PANX1: variants seen among roughly 807,000 people sequenced by gnomAD.
The protein encoded by PANX1 is pannexin-1.
In PANX1, 30 loss-of-function variants were observed where a neutral mutation model predicts 38.7. The ratio of observed to expected loss-of-function variants is 0.78; its 90% confidence interval spans 0.58 to 1.05. PANX1 has a LOEUF of 1.05. Ranked by LOEUF, PANX1 falls within the 50% of genes least tolerant of loss-of-function variation. PANX1 has a pLI of 0.00. For missense variants in PANX1, 551 were observed against 517.2 expected, an observed-to-expected ratio of 1.07 and a Z score of -0.63; for synonymous variants, 230 against 212.2, an observed-to-expected ratio of 1.08 and a Z score of -0.73.
At chr11:94,155,115 C>T (rs1313740172) in intron 2 of PANX1, among the ~76,000 whole-genome samples, 1 of 151,108 alleles carries the variant, frequency 6.6e-6, no homozygotes, top group East Asian at 1.9e-4. Flanking sequence ...CTTTGGGAGG[C>T]CGAGGCAAGC....
chr11:94,141,429 G>A (rs1461286576), intron 1 of PANX1, among the ~76,000 whole-genome samples: 1 of 152,066 alleles, frequency 6.6e-6, no homozygotes, highest in Non-Finnish European at 1.5e-5. Flanking sequence ...GACACTTGGC[G>A]GTGTCTGGTG....
intron 1 of PANX1, among the ~76,000 whole-genome samples, chr11:94,140,621 A>G (rs1267508248): frequency 1.3e-5 from 2 of 152,098 alleles, no homozygotes; most frequent in Non-Finnish European, 2.9e-5. Flanking sequence ...CCTACTACAA[A>G]CAGTGGTTTA....
chr11:94,141,601 G>T (rs1015835368), intron 1 of PANX1, among the ~76,000 whole-genome samples: 1 of 151,890 alleles, frequency 6.6e-6, no homozygotes, highest in Non-Finnish European at 1.5e-5. Flanking sequence ...AAGCTAAAAT[G>T]TTTTTTTCAA....
chr11:94,139,104 A>C (rs1946732725), intron 1 of PANX1, among the ~76,000 whole-genome samples: 1 of 152,212 alleles, frequency 6.6e-6, no homozygotes, highest in African/African-American at 2.4e-5. Flanking sequence ...CAACTCAAGT[A>C]AGTGAGCCTA....
chr11:94,179,593 A>AT lies in PANX1; in HGVS notation c.546-3dup. 1 of 1,607,484 alleles carries AT rather than the reference A, an allele frequency of 6.2e-7. No individual in the cohort carries two copies. The highest frequency in any genetic ancestry group is 8.5e-7 in the Non-Finnish European group (1 of 1,175,088). On this transcript the variant is annotated splice_polypyrimidine_tract_variant and intron_variant, in intron 3 of 4. Transcript: ENST00000227638. ...TGCCTAAGTTATTTTTGTTTCCTTT[A>AT]TTTTTTAGTTTGTGGGAGGTATCTG...
At chr11:94,129,699 A>G (rs1031392301) in intron 1 of PANX1, among the ~76,000 whole-genome samples, 7 of 151,472 alleles carry the variant, frequency 4.6e-5, no homozygotes, top group African/African-American at 1.5e-4. Flanking sequence ...TCGCATCCCT[A>G]CTCCTCAGTT....
intron 2 of PANX1, among the ~76,000 whole-genome samples, chr11:94,157,844 A>G (rs1946973891): frequency 6.6e-6 from 1 of 152,128 alleles, no homozygotes; most frequent in Non-Finnish European, 1.5e-5. Context: ...GGTATTGCCT[A>G]GGTTTTCTTC....
intron 2 of PANX1, among the ~76,000 whole-genome samples, chr11:94,161,389 C>T (rs1947031999): frequency 6.6e-6 from 1 of 152,216 alleles, no homozygotes; most frequent in East Asian, 1.9e-4. Context: ...GGTCTTCTCA[C>T]ATAGTCCCAT....
chr11:94,129,450 C>G lies in PANX1; in HGVS notation c.138C>G (p.Pro46=), dbSNP rs1221127734. 8 of 1,613,372 alleles carry G rather than the reference C, an allele frequency of 5.0e-6. No individual in the cohort carries two copies. Among genetic ancestry groups the G allele is most frequent in the African/African-American group, 1.3e-5 (1 of 74,882 alleles). Residue 46 remains proline (P), a synonymous_variant, in exon 1 of 5, where the codon CCC becomes CCG. Transcript: ENST00000227638. ...TCACGTGCATTGCGGTGGGGCTGCC[C>G]CTGCTGCTCATCTCGCTGGCCTTCG... ...KMVTCIAVGL[P]LLLISLAFAQ...
intron 2 of PANX1, among the ~76,000 whole-genome samples, chr11:94,164,181 T>C (rs577153980): frequency 1.1e-4 from 16 of 152,202 alleles, no homozygotes; most frequent in Admixed American, 4.6e-4. Flanking sequence ...TTTTAAATTT[T>C]ATTGATGTTT....
chr11:94,148,160 G>C lies in PANX1; in HGVS notation c.182-5331G>C, dbSNP rs76201528. Among the ~76,000 whole-genome samples the C allele has an allele frequency of 3.2e-3, 491 of 152,332 alleles. 8 individuals are homozygous for C. In the East Asian group the frequency reaches 0.054, roughly 17 times the overall value. On this transcript the variant is annotated intron_variant, in intron 1 of 4. Transcript: ENST00000227638. ...AAAACATGCATGTGCCTCAGAGTCA[G>C]TTCCCACAGAAGAAAAGTGAAGGCA...
intron 1 of PANX1, among the ~76,000 whole-genome samples, chr11:94,130,758 G>A (rs1178356446): frequency 1.3e-5 from 2 of 152,156 alleles, no homozygotes; most frequent in Admixed American, 6.5e-5. Context: ...GGCAGTACTG[G>A]TCAAACGTGC....
At chr11:94,141,655 A>C (rs7123396) in intron 1 of PANX1, among the ~76,000 whole-genome samples, 163 of 152,286 alleles carry the variant, frequency 1.1e-3, no homozygotes, top group African/African-American at 3.1e-3. Context: ...TTTCCTGTTT[A>C]CATTTAGTCA....
At chr11:94,158,297 A>G (rs1946979751) in intron 2 of PANX1, among the ~76,000 whole-genome samples, 1 of 152,094 alleles carries the variant, frequency 6.6e-6, no homozygotes, top group Admixed American at 6.5e-5. Flanking sequence ...AGTCATTGGT[A>G]GCTTGATGGG....
At position 94,147,363 on chromosome 11, in the gene PANX1, C is replaced by G. The variant is rs188939149; in HGVS notation, c.182-6128C>G. Among the ~76,000 whole-genome samples, 568 of 151,916 alleles carry G rather than the reference C, an allele frequency of 3.7e-3. 5 individuals are homozygous for G. Among genetic ancestry groups the G allele is most frequent in the African/African-American group, 0.013 (529 of 41,436 alleles). On this transcript the variant is annotated intron_variant, in intron 1 of 4. Transcript: ENST00000227638. ...TTGAGTTCTTCTGATGCCTTTTTTC[C>G]CTGGTACCCAGGTCATGAACTTTTT...
chr11:94,172,014 A>G (rs1256185773), intron 2 of PANX1, among the ~76,000 whole-genome samples: 2 of 151,366 alleles, frequency 1.3e-5, no homozygotes, highest in Non-Finnish European at 2.9e-5. Flanking sequence ...TTTTGACTGA[A>G]AAAAACAATA....
chr11:94,149,304 T>C (rs1242915031), intron 1 of PANX1, among the ~76,000 whole-genome samples: 1 of 152,142 alleles, frequency 6.6e-6, no homozygotes, highest in African/African-American at 2.4e-5. Context: ...TATGTTACTT[T>C]CTAATCATTT....
chr11:94,171,589 G>A (rs140363263), intron 2 of PANX1, among the ~76,000 whole-genome samples: 2 of 151,696 alleles, frequency 1.3e-5, no homozygotes, highest in East Asian at 1.9e-4. Context: ...AAGGATGGGG[G>A]ATTAGAGGCA....
chr11:94,178,720 T>C, intron 3 of PANX1, 128 bp downstream of exon 3: 1 of 679,290 alleles, frequency 1.5e-6, no homozygotes, highest in Non-Finnish European at 2.6e-6. Flanking sequence ...GGGGACGTCA[T>C]GCACCTAGTG....
Sources: allele counts gnomAD v4.1 joint callset (sites outside exome capture counted in the v4.1 genomes callset), GRCh38; gene constraint gnomAD v4.1.1; transcripts MANE v1.5; gene names NCBI Gene and HGNC (gene_info 2026-07-23, HGNC 2026-07-21).